ANKRD36B: variants seen among roughly 807,000 people sequenced by gnomAD.
ANKRD36B encodes the protein ankyrin repeat domain 36B.
A neutral mutation model predicts 135.7 loss-of-function variants in ANKRD36B; 37 were observed. The ratio of observed to expected loss-of-function variants is 0.27; its 90% CI spans 0.21 to 0.36. ANKRD36B has a LOEUF of 0.36. Among genes scored for constraint, ANKRD36B ranks in the 10% least tolerant of loss-of-function variants. The probability of loss-of-function intolerance (pLI) is 1.00; values close to 1 mark genes in which losing one functional copy is unlikely to be tolerated. For missense variants in ANKRD36B, 549 were observed against 1,037.1 expected, an observed-to-expected ratio of 0.53 and a Z score of 6.46; for synonymous variants, 179 against 348.1, an observed-to-expected ratio of 0.51 and a Z score of 5.41.
Position 97,528,422 on chromosome 2 carries a change from A to G in ANKRD36B, c.2265+3889T>C, listed in dbSNP as rs1435920310. Among the ~76,000 whole-genome samples, 4 of 94,886 alleles carry G rather than the reference A, an allele frequency of 4.2e-5. 2 individuals are homozygous for G. The allele number at this position is 94,886 out of a possible 152,430, so 62.2% of individuals were successfully genotyped here. The stretch of plus-strand genomic sequence containing the variant: ...CAAAGCAGTGTACAGTGGGAAATTT[A>G]TAGCACTAAATGCCCACAAGAGAAA... On this transcript the variant is annotated intron_variant, in intron 35 of 43. Coordinates refer to ENST00000359901, the MANE Select transcript of ANKRD36B (RefSeq NM_001393939.1).
At chr2:97,557,850 AT>A (rs1165772993) in intron 10 of ANKRD36B, among the ~76,000 whole-genome samples, 1 of 151,850 alleles carries the variant, frequency 6.6e-6, no homozygotes, top group African/African-American at 2.4e-5. Context: ...CAAATTTGAC[AT>A]ACTTATACAA....
At chr2:97,541,530 G>C (rs1303233506) in intron 28 of ANKRD36B, among the ~76,000 whole-genome samples, 1 of 96,198 alleles carries the variant, frequency 1.0e-5, no homozygotes, top group African/African-American at 3.1e-5. Flanking sequence ...GTATTAGGAT[G>C]ACGTTTCCCT....
chr2:97,571,916 C>G (rs924737450), intron 6 of ANKRD36B, among the ~76,000 whole-genome samples: 4 of 152,224 alleles, frequency 2.6e-5, no homozygotes, highest in Admixed American at 2.0e-4. Flanking sequence ...ATCCACTTCT[C>G]CTCCCAAACA....
rs561578015 is a variant in ANKRD36B, at chr2:97,549,667, T to G, written c.1376-53A>C. 3.1e-6 allele frequency: 5 copies of G among 1,603,982 alleles called. No homozygotes were observed. The African/African-American group carries it at 5.3e-5, about 17-fold the overall frequency. On this transcript the variant is annotated intron_variant, in intron 18 of 43. Coordinates refer to ENST00000359901, the MANE Select transcript of ANKRD36B (RefSeq NM_001393939.1). ...CTCATATGTAAATATGACAAAGATA[T>G]CCACACATTCATGCAGTGTTAGCAT...
intron 6 of ANKRD36B, among the ~76,000 whole-genome samples, chr2:97,563,607 G>A (rs1265385369): frequency 1.3e-5 from 2 of 152,008 alleles, no homozygotes; most frequent in Non-Finnish European, 2.9e-5. Context: ...TTCATGAAGG[G>A]GAGCCAAGAG....
intron 6 of ANKRD36B, among the ~76,000 whole-genome samples, chr2:97,564,038 G>A (rs539000432): frequency 2.9e-4 from 44 of 151,902 alleles, no homozygotes; most frequent in African/African-American, 1.0e-3. Flanking sequence ...CAGTCATTTT[G>A]TGCACTGTCT....
chr2:97,584,699 AT>A (rs2082855033), intron 3 of ANKRD36B, among the ~76,000 whole-genome samples: 1 of 135,472 alleles, frequency 7.4e-6, no homozygotes, highest in African/African-American at 3.1e-5. Flanking sequence ...TGAATTATAA[AT>A]TTATTGTAAT....
chr2:97,555,453 T>A (rs1450187975), intron 12 of ANKRD36B, among the ~76,000 whole-genome samples, 199 bp from the exon 13 acceptor site: 1 of 151,878 alleles, frequency 6.6e-6, no homozygotes, highest in Admixed American at 6.6e-5. Context: ...ACCCTTACAA[T>A]GTCAATCATG....
At chr2:97,532,490 A>C in intron 34 of ANKRD36B, 106 bp from the exon 35 acceptor site, 1 of 482,880 alleles carries the variant, frequency 2.1e-6, no homozygotes, top group Non-Finnish European at 3.7e-6. Flanking sequence ...TGGGAGGCTG[A>C]GGCGGGTGGA....
chr2:97,547,558 T>C lies in ANKRD36B; in HGVS notation c.1557A>G (p.Lys519=), dbSNP rs13017573. 891,017 of 1,467,224 alleles carry C rather than the reference T, an allele frequency of 0.61. 295,478 individuals carry two copies. Among genetic ancestry groups the C allele is most frequent in the Non-Finnish European group, 0.67 (717,359 of 1,064,908 alleles). The allele number at this position is 1,467,224 out of a possible 1,614,324, so 90.9% of individuals were successfully genotyped here. The change falls in exon 22 of 44, where the codon AAA becomes AAG. Residue 519 remains lysine, a synonymous_variant. Coordinates refer to ENST00000359901, the MANE Select transcript of ANKRD36B (RefSeq NM_001393939.1). ...DSLLNIARGK[K]DGEKTRRVSS... ...TACCTCTCCTAGTTTTTTCTCCATC[T>C]TTTTTTCCTCTGGCTATATTCAAAA...
chr2:97,552,985 G>A (rs1017788109), intron 16 of ANKRD36B, among the ~76,000 whole-genome samples, 183 bp downstream of exon 16: 2 of 151,838 alleles, frequency 1.3e-5, no homozygotes, highest in Admixed American at 6.6e-5. Context: ...CGAAGATCAC[G>A]TTCCAAGCCA....
intron 4 of ANKRD36B, among the ~76,000 whole-genome samples, chr2:97,579,318 T>C (rs1483190116): frequency 1.5e-5 from 2 of 135,212 alleles, no homozygotes; most frequent in Non-Finnish European, 3.3e-5. Flanking sequence ...TCAGGCCACC[T>C]ATCTACAGTA....
At chr2:97,556,842 T>C in intron 12 of ANKRD36B, 95 bp downstream of exon 12, 4 of 1,503,318 alleles carry the variant, frequency 2.7e-6, no homozygotes, top group Non-Finnish European at 3.6e-6. Flanking sequence ...AATCAGAAAG[T>C]GCATTTTCAA....
chr2:97,547,507 C>T (rs1559154046), intron 22 of ANKRD36B, 29 bp downstream of exon 22: 2 of 1,532,162 alleles, frequency 1.3e-6, no homozygotes, highest in Non-Finnish European at 1.8e-6. Flanking sequence ...CCGGACTGAA[C>T]ATGACATTAA....
At chr2:97,546,681 A>G (rs1042368001) in intron 22 of ANKRD36B, among the ~76,000 whole-genome samples, 1 of 151,784 alleles carries the variant, frequency 6.6e-6, no homozygotes, top group African/African-American at 2.4e-5. Context: ...GGAGTTAGTT[A>G]GAATTCAACA....
At chr2:97,580,236 T>C (rs1307599394) in intron 4 of ANKRD36B, among the ~76,000 whole-genome samples, 1 of 152,268 alleles carries the variant, frequency 6.6e-6, no homozygotes. Context: ...ATGTGTATAA[T>C]GTCTATAGAG....
chr2:97,572,919 CTT>C (rs552100529), intron 6 of ANKRD36B, among the ~76,000 whole-genome samples: 17 of 138,970 alleles, frequency 1.2e-4, no homozygotes, highest in Admixed American at 2.2e-4. Flanking sequence ...TAGGCTACTT[CTT>C]TTTTTTTTTT....
At position 97,550,969 on chromosome 2, in the gene ANKRD36B, C is replaced by T. The variant is rs144518557; in HGVS notation, c.1375+320G>A. ...GACGTCTGTAAAATCTGTACTTCCT[C>T]TCTTTCTCCTTACACCCTTAATGAA... On this transcript the variant is annotated intron_variant, in intron 18 of 43. Coordinates refer to ENST00000359901, the MANE Select transcript of ANKRD36B (RefSeq NM_001393939.1). 5.2e-3 allele frequency among the ~76,000 whole-genome samples: 788 copies of T among 152,024 alleles called. 42 individuals are homozygous for T. In the East Asian group the frequency reaches 0.13, roughly 25 times the overall value.
At chr2:97,565,110 A>G (rs1199373075) in intron 6 of ANKRD36B, among the ~76,000 whole-genome samples, 2 of 151,848 alleles carry the variant, frequency 1.3e-5, no homozygotes, top group Non-Finnish European at 2.9e-5. Flanking sequence ...ATTCCTTGTT[A>G]TTTTATTCTC....
Sources: allele counts gnomAD v4.1 joint callset (sites outside exome capture counted in the v4.1 genomes callset), GRCh38; gene constraint gnomAD v4.1.1; transcripts MANE v1.5; gene names NCBI Gene and HGNC (gene_info 2026-07-23, HGNC 2026-07-21).